The following AGBL4 variants were observed in gnomAD, a reference collection of about 807,000 sequenced individuals.
The protein encoded by AGBL4 is AGBL carboxypeptidase 4.
AGBL4 carries 58 observed loss-of-function variants against 66.4 expected under a neutral mutation model. The observed-to-expected ratio is 0.87, with a 90% CI of 0.71 to 1.09. AGBL4 has a LOEUF of 1.09. Ranked by LOEUF, AGBL4 falls within the 50% of genes least tolerant of loss-of-function variation. AGBL4 has a pLI of 0.00. For missense variants in AGBL4, 579 were observed against 631.0 expected (o/e 0.92, Z 0.88); for synonymous variants, 234 against 222.9 (o/e 1.05, Z -0.44).
At chr1:48,558,653 C>T (rs1644355764) in intron 11 of AGBL4, among the ~76,000 whole-genome samples, 1 of 152,204 alleles carries the variant, frequency 6.6e-6, no homozygotes, top group East Asian at 1.9e-4. Context: ...TTGCTTCTAG[C>T]AGGGGAGGGC....
At chr1:49,241,541 TATC>T (rs1314097416) in intron 4 of AGBL4, among the ~76,000 whole-genome samples, 1 of 152,068 alleles carries the variant, frequency 6.6e-6, no homozygotes, top group East Asian at 1.9e-4. Context: ...TTATAACAGT[TATC>T]ATACTTTACT....
At chr1:48,696,075 A>T (rs944928597) in intron 6 of AGBL4, among the ~76,000 whole-genome samples, 2 of 152,160 alleles carry the variant, frequency 1.3e-5, no homozygotes, top group African/African-American at 4.8e-5. Flanking sequence ...TCCTGGCCCC[A>T]CAGAGCCAGG....
Position 49,437,512 on chromosome 1 carries a change from T to A in AGBL4, c.283-191648A>T, listed in dbSNP as rs80179810. On this transcript the variant is annotated intron_variant, in intron 3 of 13. Coordinates refer to ENST00000371839, the MANE Select transcript of AGBL4 (RefSeq NM_032785.4). ...AAACCATTATTTGTATTCTCTAGCT[T>A]ATGGAGGCTATCTGGAAGAAATACC... Among the ~76,000 whole-genome samples, 49 of 152,322 alleles carry A rather than the reference T, an allele frequency of 3.2e-4. No homozygotes were observed. In the East Asian group the frequency reaches 9.3e-3, roughly 29 times the overall value.
At chr1:49,728,413 C>T (rs1466210078) in intron 2 of AGBL4, among the ~76,000 whole-genome samples, 1 of 152,154 alleles carries the variant, frequency 6.6e-6, no homozygotes, top group Non-Finnish European at 1.5e-5. Context: ...AAAGGTCAAA[C>T]ATTCTTCTAA....
intron 3 of AGBL4, among the ~76,000 whole-genome samples, chr1:49,462,449 C>A (rs1403406404): frequency 4.6e-5 from 7 of 151,604 alleles, no homozygotes; most frequent in Non-Finnish European, 1.0e-4. Flanking sequence ...CAGACTCCAG[C>A]AAGATGAACC....
chr1:48,808,851 A>C (rs1645988876), intron 6 of AGBL4, among the ~76,000 whole-genome samples: 2 of 152,234 alleles, frequency 1.3e-5, no homozygotes, highest in Non-Finnish European at 2.9e-5. Flanking sequence ...AGATGAGGTG[A>C]GGACTAAGTG....
At chr1:48,527,363 G>A in the AGBL4 span, among the ~76,000 whole-genome samples, 5 of 151,960 alleles carry the variant, frequency 3.3e-5, no homozygotes, top group Non-Finnish European at 7.4e-5. Flanking sequence ...TGGGAAGCCC[G>A]GGGTGGGTGG....
intron 3 of AGBL4, among the ~76,000 whole-genome samples, chr1:49,401,374 T>A (rs1464357036): frequency 6.6e-6 from 1 of 152,186 alleles, no homozygotes; most frequent in East Asian, 1.9e-4. Flanking sequence ...GAATTCAAGA[T>A]GAGATTTGGG....
chr1:49,903,221 T>C (rs1188018350), intron 1 of AGBL4, among the ~76,000 whole-genome samples: 1 of 152,166 alleles, frequency 6.6e-6, no homozygotes, highest in African/African-American at 2.4e-5. Flanking sequence ...GAGATCATTA[T>C]CCTAAGCAAA....
chr1:49,742,678 A>G (rs1650615845), intron 2 of AGBL4, among the ~76,000 whole-genome samples: 1 of 152,138 alleles, frequency 6.6e-6, no homozygotes. Context: ...TAACCAAAAC[A>G]GCATGGTACT....
chr1:49,152,458 T>A lies in AGBL4; in HGVS notation c.377+93312A>T, dbSNP rs371509326. 3.3e-4 allele frequency among the ~76,000 whole-genome samples: 50 copies of A among 152,284 alleles called. 1 individual carries two copies. The South Asian group carries it at 9.5e-3, about 29-fold the overall frequency. On this transcript the variant is annotated intron_variant, in intron 4 of 13. Transcript: ENST00000371839. ...CCAGTCTCGCCCACCAAGTTAGTAA[T>A]CTTCCAAGCCCTGGGATAGACAAAC...
At chr1:48,534,992 T>A in intron 12 of AGBL4, 76 bp from the exon 13 acceptor site, 3 of 1,323,070 alleles carry the variant, frequency 2.3e-6, no homozygotes, top group African/African-American at 1.5e-5. Context: ...GTGCTATTCA[T>A]CTGTCATTGA....
intron 4 of AGBL4, among the ~76,000 whole-genome samples, chr1:49,120,361 G>T (rs1045330283): frequency 6.6e-6 from 1 of 152,080 alleles, no homozygotes; most frequent in Non-Finnish European, 1.5e-5. Context: ...CTCTTGTAAG[G>T]CAGGCCTGTT....
intron 5 of AGBL4, among the ~76,000 whole-genome samples, chr1:49,041,880 G>A (rs1421816848): frequency 6.6e-6 from 1 of 152,012 alleles, no homozygotes; most frequent in African/African-American, 2.4e-5. Flanking sequence ...ACCACCATCA[G>A]GCAATGGCTC....
intron 3 of AGBL4, among the ~76,000 whole-genome samples, chr1:49,631,675 G>A (rs541644466): frequency 3.9e-5 from 6 of 152,262 alleles, no homozygotes; most frequent in African/African-American, 1.4e-4. Context: ...TACCTGTTGG[G>A]AGAAATGCCT....
intron 4 of AGBL4, among the ~76,000 whole-genome samples, chr1:49,100,746 A>C (rs572861544): frequency 6.6e-6 from 1 of 152,338 alleles, no homozygotes. Context: ...TAAAACCAGC[A>C]GCTAAGAGGG....
chr1:49,618,193 T>A (rs1041446796), intron 3 of AGBL4, among the ~76,000 whole-genome samples: 1 of 152,230 alleles, frequency 6.6e-6, no homozygotes, highest in African/African-American at 2.4e-5. Context: ...CTCATCCTTT[T>A]TTATGGCTGG....
chr1:49,759,551 TTAAG>T (rs1023316695), intron 2 of AGBL4, among the ~76,000 whole-genome samples: 3 of 152,202 alleles, frequency 2.0e-5, no homozygotes, highest in African/African-American at 7.2e-5. Context: ...TAGTTGATAA[TTAAG>T]TATCAATATT....
intron 6 of AGBL4, among the ~76,000 whole-genome samples, chr1:48,787,761 C>A (rs747655270): frequency 6.6e-6 from 1 of 152,082 alleles, no homozygotes; most frequent in Non-Finnish European, 1.5e-5. Context: ...CAGTTAAGGG[C>A]GAGGCATTTT....
Sources: gnomAD v4.1 joint callset for allele counts (sites outside exome capture counted in the v4.1 genomes callset) on GRCh38, gnomAD v4.1.1 for gene constraint, MANE v1.5 for transcripts, NCBI Gene and HGNC (gene_info 2026-07-23, HGNC 2026-07-21) for gene names.